The following UHRF2 variants were observed in gnomAD, a reference collection of about 807,000 sequenced individuals.
UHRF2 encodes the protein ubiquitin like with PHD and ring finger domains 2.
In UHRF2, 23 loss-of-function variants were observed where a neutral mutation model predicts 96.8. The ratio of observed to expected loss-of-function variants is 0.24; its 90% CI spans 0.17 to 0.34. UHRF2 has a LOEUF of 0.34. Among genes scored for constraint, UHRF2 ranks in the 10% least tolerant of loss-of-function variants. The pLI, the probability that UHRF2 is intolerant of heterozygous loss-of-function variation, is 1.00. For missense variants in UHRF2, 685 were observed against 981.5 expected (o/e 0.70, Z 4.04); for synonymous variants, 385 against 332.6 (o/e 1.16, Z -1.72).
In UHRF2 at chr9:6,416,675, G is replaced by A. The variant is rs1215300020; in HGVS notation, c.153+3032G>A. ...CTGCCTCAGCCTCCCGAGTAGCTGG[G>A]ACTACAGGCGCCCGCCACTGCGCCC... On this transcript the variant is annotated intron_variant, in intron 1 of 15. Transcript: ENST00000276893. 2.6e-5 allele frequency among the ~76,000 whole-genome samples: 4 copies of A among 151,902 alleles called. No homozygotes were observed. The East Asian group carries it at 5.8e-4, about 22-fold the overall frequency.
At chr9:6,450,674 C>G (rs1343037162) in intron 3 of UHRF2, among the ~76,000 whole-genome samples, 1 of 152,122 alleles carries the variant, frequency 6.6e-6, no homozygotes, top group African/African-American at 2.4e-5. Context: ...TTATGAACTT[C>G]CAGTGCCTTT....
chr9:6,460,261 A>G (rs139755411), intron 3 of UHRF2, among the ~76,000 whole-genome samples: 67 of 152,288 alleles, frequency 4.4e-4, no homozygotes, highest in African/African-American at 1.5e-3. Flanking sequence ...CTCAAAGTAG[A>G]TGATTGTGGT....
At chr9:6,503,438 A>G (rs1027294398) in intron 14 of UHRF2, among the ~76,000 whole-genome samples, 3 of 151,682 alleles carry the variant, frequency 2.0e-5, no homozygotes, top group African/African-American at 7.3e-5. Context: ...GATGAAATGG[A>G]GCCAGTAATG....
intron 3 of UHRF2, 150 bp downstream of exon 3, chr9:6,434,323 CTAATT>C (rs759548417): frequency 1.6e-5 from 15 of 938,824 alleles, no homozygotes; most frequent in South Asian, 9.9e-5. Flanking sequence ...TGGTTGTACT[CTAATT>C]TAAAGGTCCT....
intron 4 of UHRF2, among the ~76,000 whole-genome samples, chr9:6,465,450 G>A (rs1405199033): frequency 6.6e-6 from 1 of 152,106 alleles, no homozygotes; most frequent in African/African-American, 2.4e-5. Flanking sequence ...TTGTGGGAAA[G>A]TTCTTTTATG....
At chr9:6,499,060 C>T (rs1465714812) in intron 12 of UHRF2, 1 of 152,156 alleles carries the variant, frequency 6.6e-6, no homozygotes, top group Non-Finnish European at 1.5e-5. Context: ...ATAAAAATAA[C>T]TTTGTCAAAT....
intron 4 of UHRF2, among the ~76,000 whole-genome samples, chr9:6,473,487 C>G (rs966813525): frequency 1.1e-4 from 16 of 152,138 alleles, no homozygotes; most frequent in African/African-American, 3.9e-4. Flanking sequence ...TCAACATTTT[C>G]TAATCCCCAA....
chr9:6,487,568 C>T (rs892410719), intron 9 of UHRF2, among the ~76,000 whole-genome samples: 11 of 152,130 alleles, frequency 7.2e-5, no homozygotes, highest in Non-Finnish European at 4.4e-5. Context: ...GGTTTCACCA[C>T]GATGGCCAGG....
chr9:6,494,708 C>T (rs950965525), intron 10 of UHRF2: 2 of 152,142 alleles, frequency 1.3e-5, no homozygotes, highest in African/African-American at 2.4e-5. Flanking sequence ...TTTTTATATC[C>T]TGTTACTAAG....
At position 6,468,026 on chromosome 9, in the gene UHRF2, T is replaced by G. The variant is rs147835559; in HGVS notation, c.863+7235T>G. On this transcript the variant is annotated intron_variant, in intron 4 of 15. Coordinates refer to ENST00000276893, the MANE Select transcript of UHRF2 (RefSeq NM_152896.3). ...ACTTGAAATTACATAATGTGTCTTA[T>G]AGTTGCTGATTACCATTTAGTGTCC... 3.5e-3 allele frequency among the ~76,000 whole-genome samples: 539 copies of G among 152,348 alleles called. 5 individuals carry two copies. The highest frequency in any genetic ancestry group is 0.012 in the African/African-American group (515 of 41,588).
At chr9:6,499,540 T>G (rs1825153836) in intron 12 of UHRF2, 1 of 185,660 alleles carries the variant, frequency 5.4e-6, no homozygotes, top group Admixed American at 6.0e-5. Flanking sequence ...TTCCTTAAAC[T>G]TTAAGGAAAT....
At chr9:6,460,232 A>G (rs1028723507) in intron 3 of UHRF2, among the ~76,000 whole-genome samples, 3 of 152,236 alleles carry the variant, frequency 2.0e-5, no homozygotes. Flanking sequence ...TTTATTCTAG[A>G]AAAATTGTAT....
chr9:6,487,345 C>A (rs1419553011), intron 9 of UHRF2, among the ~76,000 whole-genome samples: 1 of 151,824 alleles, frequency 6.6e-6, no homozygotes, highest in Non-Finnish European at 1.5e-5. Flanking sequence ...CCTGCCATCA[C>A]ACCTGGCTAA....
rs151197031 is a variant in UHRF2 at position 6,414,363 on chromosome 9, G to A, written c.153+720G>A. ...AGTTTTATTCCCGAAGTGAAAAGGA[G>A]TGTAAGACTGTTTGCTTTTCTTACT... On this transcript the variant is annotated intron_variant, in intron 1 of 15. Coordinates refer to ENST00000276893, the MANE Select transcript of UHRF2 (RefSeq NM_152896.3). Among the ~76,000 whole-genome samples, 545 of 152,308 alleles carry A rather than the reference G, an allele frequency of 3.6e-3. 4 individuals are homozygous for A. The highest frequency in any genetic ancestry group is 0.012 in the African/African-American group (514 of 41,556).
intron 6 of UHRF2, among the ~76,000 whole-genome samples, chr9:6,479,298 A>C (rs1310125262): frequency 6.6e-6 from 1 of 152,150 alleles, no homozygotes; most frequent in African/African-American, 2.4e-5. Flanking sequence ...TTTATGTCTA[A>C]ACCTAAGGGT....
intron 14 of UHRF2, among the ~76,000 whole-genome samples, chr9:6,503,205 A>C (rs1473074938): frequency 1.3e-5 from 2 of 152,142 alleles, no homozygotes; most frequent in Admixed American, 1.3e-4. Context: ...CATGTTGGCC[A>C]GGTTGGTCTA....
chr9:6,467,224 A>C (rs1822921564), intron 4 of UHRF2, among the ~76,000 whole-genome samples: 1 of 152,182 alleles, frequency 6.6e-6, no homozygotes, highest in Non-Finnish European at 1.5e-5. Flanking sequence ...CACATGCCTT[A>C]GCTTGTTACC....
chr9:6,481,680 G>C lies in UHRF2; in HGVS notation c.1198G>C (p.Val400Leu). 6.2e-7 allele frequency: 1 copy of C among 1,613,718 alleles called. No individual in the cohort carries two copies. Among genetic ancestry groups the C allele is most frequent in the Non-Finnish European group, 8.5e-7 (1 of 1,179,806 alleles). ...PSCKTDSSEV[V>L]KAGERLKMSK... is the part of the protein sequence containing the mutation. ...TTGTAAAACTGATTCCAGTGAAGTT[G>C]TAAAGGCTGGTGAAAGACTCAAGAT... The change falls in exon 7 of 16, where the codon GTA (valine) becomes CTA (leucine). Residue 400 changes from valine (V) to leucine (L), a missense_variant. This residue lies in a region of UHRF2 where 391 missense variants were observed against 437.0 expected (regional missense o/e 0.89). Transcript: ENST00000276893.
intron 1 of UHRF2, among the ~76,000 whole-genome samples, chr9:6,415,896 A>G (rs1819568950): frequency 6.6e-6 from 1 of 152,196 alleles, no homozygotes; most frequent in Non-Finnish European, 1.5e-5. Flanking sequence ...TATTCAAAGT[A>G]TGGTCCCTGG....
Sources: gnomAD v4.1 joint callset for allele counts (sites outside exome capture counted in the v4.1 genomes callset) on GRCh38, gnomAD v4.1.1 for gene constraint, gnomAD v4.1.1 regional missense constraint, MANE v1.5 for transcripts, NCBI Gene and HGNC (gene_info 2026-07-23, HGNC 2026-07-21) for gene names.